The following TOPAZ1 variants were observed in gnomAD, a reference collection of about 807,000 sequenced individuals.
TOPAZ1 encodes testis and ovary specific TOPAZ 1.
Under a neutral mutation model 172.2 loss-of-function variants are expected in TOPAZ1, and 66 were observed. The ratio of observed to expected loss-of-function variants is 0.38; its 90% CI spans 0.31 to 0.47. TOPAZ1 has a LOEUF of 0.47. TOPAZ1 is among the 20% of genes least tolerant of loss of function. TOPAZ1 has a pLI of 0.99. For missense variants in TOPAZ1, 1,822 were observed against 1,972.4 expected, an observed-to-expected ratio of 0.92 and a Z score of 1.44; for synonymous variants, 681 against 683.9, an observed-to-expected ratio of 1.00 and a Z score of 0.07.
At chr3:44,261,976 C>T (rs1035304250) in intron 4 of TOPAZ1, among the ~76,000 whole-genome samples, 1 of 152,200 alleles carries the variant, frequency 6.6e-6, no homozygotes, top group Admixed American at 6.5e-5. Context: ...ACTGAAAAAT[C>T]ATGATTTCAA....
At chr3:44,294,921 A>G (rs1700177088) in intron 12 of TOPAZ1, among the ~76,000 whole-genome samples, 1 of 152,236 alleles carries the variant, frequency 6.6e-6, no homozygotes, top group Non-Finnish European at 1.5e-5. Context: ...GACAATTTAT[A>G]TGTGCCTATA....
intron 7 of TOPAZ1, among the ~76,000 whole-genome samples, chr3:44,270,136 A>G (rs895088845): frequency 5.3e-5 from 8 of 152,198 alleles, no homozygotes; most frequent in African/African-American, 1.9e-4. Context: ...GTTTATGGGG[A>G]AAGTTTGTTG....
At chr3:44,335,922 CTGT>C (rs1700719481), downstream of TOPAZ1, among the ~76,000 whole-genome samples, 1 of 152,164 alleles carries the variant, frequency 6.6e-6, no homozygotes, top group Middle Eastern at 3.2e-3. Flanking sequence ...ATGACTGAAG[CTGT>C]TGTTTAGTTA....
At chr3:44,249,426 G>A (rs1699604435) in intron 2 of TOPAZ1, among the ~76,000 whole-genome samples, 1 of 152,144 alleles carries the variant, frequency 6.6e-6, no homozygotes, top group Non-Finnish European at 1.5e-5. Flanking sequence ...GGTCGGGAAG[G>A]AGAAATAATG....
chr3:44,242,410 A>G lies in TOPAZ1; in HGVS notation c.346+11A>G, dbSNP rs760958115. On this transcript the variant is annotated intron_variant, in intron 1 of 19. Transcript: ENST00000309765. ...AAACGGAAAGACACAGTAAGAAAGC[A>G]TCCACGATCACTTACCTTTAGCCCT... 7.1e-6 allele frequency: 11 copies of G among 1,551,988 alleles called. No homozygotes were observed. In the South Asian group the frequency reaches 1.3e-4, roughly 18 times the overall value.
intron 16 of TOPAZ1, among the ~76,000 whole-genome samples, chr3:44,316,798 A>G (rs1473863142): frequency 6.6e-6 from 1 of 152,174 alleles, no homozygotes; most frequent in African/African-American, 2.4e-5. Flanking sequence ...TATTTCCCCA[A>G]AATGTTTTCC....
chr3:44,316,211 A>G (rs1342263893), intron 16 of TOPAZ1, among the ~76,000 whole-genome samples: 2 of 152,140 alleles, frequency 1.3e-5, no homozygotes, highest in African/African-American at 4.8e-5. Flanking sequence ...ATGCCACTTC[A>G]CTCCAGCCTG....
chr3:44,266,043 G>A (rs74725779), intron 5 of TOPAZ1, among the ~76,000 whole-genome samples: 1,718 of 152,268 alleles, frequency 0.011, 36 homozygotes, highest in African/African-American at 0.039. Context: ...TTTTCCATTA[G>A]CAAGTTGACC....
chr3:44,278,809 CTTT>C (rs79905508), intron 8 of TOPAZ1, among the ~76,000 whole-genome samples: 1 of 138,126 alleles, frequency 7.2e-6, no homozygotes. Flanking sequence ...GTTGATCCTC[CTTT>C]TTTTTTTTTG....
intron 16 of TOPAZ1, among the ~76,000 whole-genome samples, chr3:44,318,488 G>T (rs1391533590): frequency 6.6e-6 from 1 of 151,296 alleles, no homozygotes; most frequent in Non-Finnish European, 1.5e-5. Context: ...GGGCCACGGT[G>T]GGGGGTGGGG....
At chr3:44,288,807 A>C (rs1466533452) in intron 11 of TOPAZ1, among the ~76,000 whole-genome samples, 4 of 152,108 alleles carry the variant, frequency 2.6e-5, no homozygotes, top group Non-Finnish European at 5.9e-5. Context: ...AAATAAAATT[A>C]CCCTTAGTGG....
At chr3:44,325,113 C>T (rs1483602844) in intron 18 of TOPAZ1, among the ~76,000 whole-genome samples, 1 of 152,094 alleles carries the variant, frequency 6.6e-6, no homozygotes, top group Non-Finnish European at 1.5e-5. Context: ...GTCTTCAAAA[C>T]ATCTCATTTT....
intron 17 of TOPAZ1, 50 bp from the exon 18 acceptor site, chr3:44,323,042 G>A (rs1465050792): frequency 1.1e-5 from 15 of 1,311,040 alleles, no homozygotes. Flanking sequence ...ATGGAGGTTT[G>A]AGACACTTTA....
rs1390678628 is a variant in TOPAZ1, at chr3:44,269,213, T to C, written c.3161-3T>C. 13 of 1,527,820 alleles carry C rather than the reference T, an allele frequency of 8.5e-6. No homozygotes were observed. The African/African-American group carries it at 1.7e-4, about 19-fold the overall frequency. 94.6% of individuals were successfully genotyped at this position (1,527,820 alleles called of 1,614,324 possible). On this transcript the variant is annotated splice_polypyrimidine_tract_variant and splice_region_variant and intron_variant, in intron 6 of 19. Transcript: ENST00000309765. ...GTGTAATGCCACTCTAAATCATTTC[T>C]AGATTTCAGATTTCTGGGAAAACAT...
intron 6 of TOPAZ1, among the ~76,000 whole-genome samples, chr3:44,268,223 G>T (rs892466655): frequency 1.3e-5 from 2 of 152,096 alleles, no homozygotes; most frequent in Non-Finnish European, 2.9e-5. Flanking sequence ...AGTGCTAGAA[G>T]TTCAGGGCTA....
At chr3:44,268,038 CTTTTAT>C (rs1461209508) in intron 6 of TOPAZ1, among the ~76,000 whole-genome samples, 2 of 152,062 alleles carry the variant, frequency 1.3e-5, no homozygotes, top group African/African-American at 2.4e-5. Flanking sequence ...ATTAAAAATA[CTTTTAT>C]TTTTATTTGT....
intron 16 of TOPAZ1, among the ~76,000 whole-genome samples, chr3:44,317,009 C>T (rs977325598): frequency 1.3e-5 from 2 of 152,232 alleles, no homozygotes; most frequent in African/African-American, 2.4e-5. Context: ...TGTCTATCCA[C>T]TCTCACTCCT....
chr3:44,291,446 C>T (rs1000622040), intron 12 of TOPAZ1, among the ~76,000 whole-genome samples: 1 of 151,322 alleles, frequency 6.6e-6, no homozygotes, highest in African/African-American at 2.4e-5. Flanking sequence ...ACTAAAAATA[C>T]AAAAATTAGC....
chr3:44,302,312 A>G (rs1700281236), intron 12 of TOPAZ1, among the ~76,000 whole-genome samples: 1 of 152,098 alleles, frequency 6.6e-6, no homozygotes, highest in Non-Finnish European at 1.5e-5. Context: ...CGGGAGGCTG[A>G]GGTAGGAGAA....
Sources: allele counts gnomAD v4.1 joint callset (sites outside exome capture counted in the v4.1 genomes callset), GRCh38; gene constraint gnomAD v4.1.1; transcripts MANE v1.5; gene names NCBI Gene and HGNC (gene_info 2026-07-23, HGNC 2026-07-21).